CFAP210: variants seen among roughly 807,000 people sequenced by gnomAD.
CFAP210 encodes cilia- and flagella- associated protein 210.
At chr2:169,651,171 C>T in the CFAP210 span, among the ~76,000 whole-genome samples, 1 of 146,962 alleles carries the variant, frequency 6.8e-6, no homozygotes, top group Non-Finnish European at 1.5e-5. Context: ...AGGTTGCAGT[C>T]AGCCGAGATC....
chr2:169,664,021 T>A, the CFAP210 span, among the ~76,000 whole-genome samples: 2 of 119,248 alleles, frequency 1.7e-5, no homozygotes, highest in South Asian at 3.0e-4. Context: ...AAACCCCAAC[T>A]CTACTAAAAA....
chr2:169,649,165 C>T, the CFAP210 span: 2 of 1,571,742 alleles, frequency 1.3e-6, no homozygotes, highest in Admixed American at 1.8e-5. Context: ...TAATTATAAA[C>T]ATTCAGGAGT....
At chr2:169,675,855 T>C in the CFAP210 span, among the ~76,000 whole-genome samples, 4 of 152,232 alleles carry the variant, frequency 2.6e-5, no homozygotes, top group African/African-American at 9.6e-5. Flanking sequence ...GTATATTTTA[T>C]ATGCTCTTCT....
At chr2:169,653,264 G>T in the CFAP210 span, among the ~76,000 whole-genome samples, 1 of 151,402 alleles carries the variant, frequency 6.6e-6, no homozygotes, top group African/African-American at 2.4e-5. Context: ...CGTGCTCTCT[G>T]GAGGTGAGCA....
the CFAP210 span, among the ~76,000 whole-genome samples, chr2:169,659,467 CAG>C: frequency 6.6e-6 from 1 of 152,102 alleles, no homozygotes; most frequent in Non-Finnish European, 1.5e-5. Flanking sequence ...GATGGTAAGA[CAG>C]AGAGAGTGTG....
chr2:169,674,759 A>G, the CFAP210 span: 1 of 1,570,222 alleles, frequency 6.4e-7, no homozygotes. Flanking sequence ...TCTACTAAGA[A>G]GAAGTCCCGA....
chr2:169,669,150 G>T, the CFAP210 span, among the ~76,000 whole-genome samples: 1 of 152,124 alleles, frequency 6.6e-6, no homozygotes, highest in African/African-American at 2.4e-5. Flanking sequence ...AGGCCTCTCT[G>T]AGCTGGTAAG....
the CFAP210 span, among the ~76,000 whole-genome samples, chr2:169,655,136 G>A: frequency 6.6e-6 from 1 of 152,090 alleles, no homozygotes; most frequent in Non-Finnish European, 1.5e-5. Flanking sequence ...TGAATATATA[G>A]ATATATTAGT....
chr2:169,647,751 A>T, the CFAP210 span, among the ~76,000 whole-genome samples: 5 of 152,340 alleles, frequency 3.3e-5, no homozygotes, highest in East Asian at 9.6e-4. Flanking sequence ...TCAATGGAGT[A>T]AAAAGGTAAC....
At chr2:169,680,719 G>T in the CFAP210 span, among the ~76,000 whole-genome samples, 1 of 152,094 alleles carries the variant, frequency 6.6e-6, no homozygotes, top group African/African-American at 2.4e-5. Flanking sequence ...AAATAAGAGG[G>T]AACAAAACAG....
chr2:169,692,444 G>GCGCGCACACACACACACACACA, the CFAP210 span, among the ~76,000 whole-genome samples: 1 of 143,668 alleles, frequency 7.0e-6, no homozygotes, highest in Non-Finnish European at 1.5e-5. Context: ...ACAGGCGCAC[G>GCGCGCACACACACACACACACA]CACACACACA....
chr2:169,686,469 TTTTA>T, the CFAP210 span, among the ~76,000 whole-genome samples: 1 of 152,278 alleles, frequency 6.6e-6, no homozygotes, highest in Non-Finnish European at 1.5e-5. Flanking sequence ...AAGAACAGGA[TTTTA>T]TTTCTTAGAA....
chr2:169,674,430 G>C, the CFAP210 span: 1 of 629,486 alleles, frequency 1.6e-6, no homozygotes, highest in Non-Finnish European at 2.6e-6. Context: ...CTCTGGGTAA[G>C]AAAGTGATAG....
chr2:169,669,018 T>C, the CFAP210 span, among the ~76,000 whole-genome samples: 6 of 152,312 alleles, frequency 3.9e-5, no homozygotes, highest in South Asian at 1.2e-3. Context: ...AAACAAGGTA[T>C]GTCTATAAAT....
the CFAP210 span, chr2:169,650,444 A>G: frequency 5.6e-6 from 9 of 1,605,474 alleles, no homozygotes; most frequent in Non-Finnish European, 7.6e-6. Context: ...AGCAATAATC[A>G]TATCTTCATT....
chr2:169,677,081 G>C, the CFAP210 span, among the ~76,000 whole-genome samples: 17,093 of 152,242 alleles, frequency 0.11, 1,211 homozygotes, highest in South Asian at 0.26. Flanking sequence ...TGCACAGAGA[G>C]GAGCACAGCA....
At chr2:169,659,992 T>A in the CFAP210 span, among the ~76,000 whole-genome samples, 1 of 152,208 alleles carries the variant, frequency 6.6e-6, no homozygotes, top group East Asian at 1.9e-4. Context: ...GCATCAGTTG[T>A]AATGTCTCAT....
chr2:169,688,777 C>T, the CFAP210 span, among the ~76,000 whole-genome samples: 1 of 152,192 alleles, frequency 6.6e-6, no homozygotes, highest in African/African-American at 2.4e-5. Flanking sequence ...CAAACTTTCC[C>T]ACATTTTCCT....
chr2:169,649,729 C>T, the CFAP210 span, among the ~76,000 whole-genome samples: 137 of 152,076 alleles, frequency 9.0e-4, 2 homozygotes, highest in African/African-American at 3.1e-3. Context: ...GTCAGGAGTT[C>T]GAGACCAGCC....
Sources: gnomAD v4.1 joint callset for allele counts (sites outside exome capture counted in the v4.1 genomes callset) on GRCh38, gnomAD v4.1.1 for gene constraint, MANE v1.5 for transcripts, NCBI Gene and HGNC (gene_info 2026-07-23, HGNC 2026-07-21) for gene names.